The following IL1RAPL1 variants were observed in gnomAD, a reference collection of about 807,000 sequenced individuals.
The protein encoded by IL1RAPL1 is interleukin 1 receptor accessory protein like 1.
Under a neutral mutation model 48.4 loss-of-function variants are expected in IL1RAPL1, and 3 were observed. That is an observed-to-expected ratio of 0.06 (90% CI 0.03 to 0.16). The LOEUF (loss-of-function observed/expected upper bound fraction) is 0.16, where lower values mean the gene tolerates loss of function less well. IL1RAPL1 is among the 10% of genes least tolerant of loss of function. The pLI is 1.00. For missense variants in IL1RAPL1, 349 were observed against 530.6 expected, an observed-to-expected ratio of 0.66 and a Z score of 3.36; for synonymous variants, 185 against 187.7, an observed-to-expected ratio of 0.99 and a Z score of 0.12.
chrX:29,022,309 C>G (rs975194171), intron 2 of IL1RAPL1, among the ~76,000 whole-genome samples: 8 of 111,742 alleles, frequency 7.2e-5, no homozygotes, highest in African/African-American at 2.3e-4. Context: ...CTTACCTACT[C>G]TCTCCCACTT....
At chrX:29,118,952 A>G (rs16997970) in intron 2 of IL1RAPL1, among the ~76,000 whole-genome samples, 5,442 of 111,453 alleles carry the variant, frequency 0.049, 130 homozygotes, top group African/African-American at 0.08. Context: ...ATAGTGACTT[A>G]TCTTAAAAAT....
At chrX:28,851,617 C>T (rs932761226) in intron 2 of IL1RAPL1, among the ~76,000 whole-genome samples, 1 of 111,682 alleles carries the variant, frequency 9.0e-6, no homozygotes, top group Non-Finnish European at 1.9e-5. Flanking sequence ...TAGTTACCAT[C>T]GAAGGAGCAG....
intron 2 of IL1RAPL1, among the ~76,000 whole-genome samples, chrX:29,140,994 ACTAT>A (rs1222035493): frequency 1.8e-5 from 2 of 111,024 alleles, no homozygotes; most frequent in Non-Finnish European, 3.8e-5. Flanking sequence ...AGTAATAATA[ACTAT>A]CTGTCTTATG....
intron 1 of IL1RAPL1, among the ~76,000 whole-genome samples, chrX:28,735,567 C>G (rs2146949141): frequency 9.1e-6 from 1 of 109,805 alleles, no homozygotes; most frequent in African/African-American, 3.3e-5. Flanking sequence ...TGCTTGAGGC[C>G]CGGAGTTCAA....
At chrX:29,313,284 TGTGCGC>T (rs750801448) in intron 3 of IL1RAPL1, among the ~76,000 whole-genome samples, 2,143 of 88,287 alleles carry the variant, frequency 0.024, 40 homozygotes, top group Non-Finnish European at 0.041. Context: ...TGTGTGTGTG[TGTGCGC>T]GCGCACATGC....
rs1338879771 is a variant in IL1RAPL1, at chrX:28,692,965, A to C, written c.-24-96355A>C. ...GTAGGTATACAATGTGGAATGATCA[A>C]ATTGAGGTAATGGATAGGTCCATAT... is the stretch of plus-strand genomic sequence containing the variant. On this transcript the variant is annotated intron_variant, in intron 1 of 10. Coordinates refer to ENST00000378993, the MANE Select transcript of IL1RAPL1 (RefSeq NM_014271.4). Among the ~76,000 whole-genome samples, 13 of 112,069 alleles carry C rather than the reference A, an allele frequency of 1.2e-4. 1 individual carries two copies. Among genetic ancestry groups the C allele is most frequent in the Admixed American group, 2.9e-4 (3 of 10,506 alleles).
chrX:29,545,683 G>A (rs1448578634), intron 5 of IL1RAPL1, among the ~76,000 whole-genome samples: 7 of 112,092 alleles, frequency 6.2e-5, no homozygotes, highest in Non-Finnish European at 3.8e-5. Flanking sequence ...TCATTGCTGA[G>A]AGCAGTATTC....
At chrX:29,782,058 CGTT>C (rs1162065213) in intron 6 of IL1RAPL1, among the ~76,000 whole-genome samples, 5 of 110,407 alleles carry the variant, frequency 4.5e-5, no homozygotes, top group Non-Finnish European at 9.5e-5. Flanking sequence ...ATTTCAGTTT[CGTT>C]GTTGATCCAT....
rs775958076 is a variant in IL1RAPL1, at chrX:29,644,513, G to A, written c.704-23917G>A. On this transcript the variant is annotated intron_variant, in intron 5 of 10. Transcript: ENST00000378993. ...AATCACCCATATCCAGGACTACATG[G>A]CTAATCTTTTTATTAAACATTGTCT... 1.1e-4 allele frequency among the ~76,000 whole-genome samples: 12 copies of A among 110,402 alleles called. No individual in the cohort carries two copies. The South Asian group carries it at 1.5e-3, about 14-fold the overall frequency.
chrX:29,390,221 G>A (rs1434143883), intron 3 of IL1RAPL1, among the ~76,000 whole-genome samples: 2 of 111,576 alleles, frequency 1.8e-5, no homozygotes, highest in Non-Finnish European at 3.8e-5. Flanking sequence ...TTCTGGTTGA[G>A]AAGCTGCCTT....
At chrX:29,135,816 C>T (rs1489626458) in intron 2 of IL1RAPL1, among the ~76,000 whole-genome samples, 1 of 111,963 alleles carries the variant, frequency 8.9e-6, no homozygotes, top group Non-Finnish European at 1.9e-5. Flanking sequence ...CTCACTACAA[C>T]TTCCATCTCC....
chrX:29,702,236 A>G (rs1481274368), intron 6 of IL1RAPL1, among the ~76,000 whole-genome samples: 1 of 103,722 alleles, frequency 9.6e-6, no homozygotes, highest in Non-Finnish European at 2.0e-5. Flanking sequence ...CCTCGGCAAC[A>G]GGGCGAGACT....
chrX:29,163,343 A>G, intron 2 of IL1RAPL1, among the ~76,000 whole-genome samples: 1 of 111,671 alleles, frequency 9.0e-6, no homozygotes, highest in Admixed American at 9.6e-5. Context: ...TGCATTTCTA[A>G]CAAGCTCCTA....
intron 2 of IL1RAPL1, among the ~76,000 whole-genome samples, chrX:29,149,159 C>G (rs1929409648): frequency 1.8e-5 from 2 of 110,533 alleles, no homozygotes; most frequent in Admixed American, 1.9e-4. Flanking sequence ...TGCATAATGA[C>G]AAAAATCTAG....
intron 5 of IL1RAPL1, among the ~76,000 whole-genome samples, chrX:29,542,012 A>G (rs1191875540): frequency 8.9e-6 from 1 of 111,742 alleles, no homozygotes; most frequent in African/African-American, 3.3e-5. Context: ...TGCTTTTAAT[A>G]TATATCTACA....
chrX:29,817,457 C>T (rs1272771633), intron 6 of IL1RAPL1, among the ~76,000 whole-genome samples: 1 of 110,798 alleles, frequency 9.0e-6, no homozygotes, highest in Non-Finnish European at 1.9e-5. Flanking sequence ...TTTGGCAAAA[C>T]TCAGCTGAAA....
chrX:28,637,128 T>C (rs1169595060), intron 1 of IL1RAPL1, among the ~76,000 whole-genome samples: 1 of 111,300 alleles, frequency 9.0e-6, no homozygotes, highest in Non-Finnish European at 1.9e-5. Flanking sequence ...AGGTTGAAAT[T>C]GGGTGAGATA....
chrX:29,169,715 A>C (rs1474338840), intron 2 of IL1RAPL1, among the ~76,000 whole-genome samples: 3 of 110,994 alleles, frequency 2.7e-5, no homozygotes, highest in Non-Finnish European at 5.7e-5. Flanking sequence ...TGGAAACTAA[A>C]TAAATAAACT....
chrX:29,433,292 T>C (rs759730903), intron 5 of IL1RAPL1, among the ~76,000 whole-genome samples: 1 of 111,137 alleles, frequency 9.0e-6, no homozygotes, highest in East Asian at 2.8e-4. Context: ...TCTAACCATA[T>C]TTTATGTGCT....
Sources: allele counts gnomAD v4.1 joint callset (sites outside exome capture counted in the v4.1 genomes callset), GRCh38; gene constraint gnomAD v4.1.1; transcripts MANE v1.5; gene names NCBI Gene and HGNC (gene_info 2026-07-23, HGNC 2026-07-21).